Variants in CDKL3 observed in about 807,000 individuals in gnomAD.
The protein encoded by CDKL3 is cyclin dependent kinase like 3.
CDKL3 carries 65 observed loss-of-function variants against 69.3 expected under a neutral mutation model. The ratio of observed to expected loss-of-function variants is 0.94; its 90% confidence interval spans 0.77 to 1.15. The LOEUF is 1.15. CDKL3 is among the 50% of genes most tolerant of loss of function. The probability of loss-of-function intolerance (pLI) is 0.00; values close to 1 mark genes in which losing one functional copy is unlikely to be tolerated. For missense variants in CDKL3, 652 were observed against 689.2 expected, an observed-to-expected ratio of 0.95 and a Z score of 0.61; for synonymous variants, 202 against 221.6, an observed-to-expected ratio of 0.91 and a Z score of 0.79.
chr5:134,329,352 T>A (rs1403659677), intron 4 of CDKL3, among the ~76,000 whole-genome samples: 1 of 151,484 alleles, frequency 6.6e-6, no homozygotes, highest in Non-Finnish European at 1.5e-5. Context: ...AAATAAAAAA[T>A]CCACATGAAA....
rs550730919 is a variant in CDKL3, at chr5:134,303,397, T to A, written c.1622-710A>T. 2.0e-5 allele frequency among the ~76,000 whole-genome samples: 3 copies of A among 152,286 alleles called. No homozygotes were observed. The East Asian group carries it at 5.8e-4, about 29-fold the overall frequency. ...CAGCCTATAAATCTTATATATTTAA[T>A]CCTTGGATGCTCAAAATACATATAA... On this transcript the variant is annotated intron_variant, in intron 11 of 12. Transcript: ENST00000265334.
At chr5:134,359,146 T>C (rs529551796) in intron 3 of CDKL3, among the ~76,000 whole-genome samples, 1 of 150,896 alleles carries the variant, frequency 6.6e-6, no homozygotes, top group Non-Finnish European at 1.5e-5. Context: ...GGTGTGGTGG[T>C]TGATTGAGGA....
At chr5:134,366,114 A>C (rs567815325) in intron 2 of CDKL3, among the ~76,000 whole-genome samples, 1 of 152,328 alleles carries the variant, frequency 6.6e-6, no homozygotes, top group East Asian at 1.9e-4. Context: ...AGAAATTTTT[A>C]TTAAGTATTA....
intron 2 of CDKL3, among the ~76,000 whole-genome samples, chr5:134,365,803 C>T (rs1757265644): frequency 6.6e-6 from 1 of 152,058 alleles, no homozygotes; most frequent in Admixed American, 6.6e-5. Flanking sequence ...ATCCTTTGTC[C>T]TTCTTTAGTC....
chr5:134,326,510 TC>T (rs1272157212), intron 4 of CDKL3, among the ~76,000 whole-genome samples: 2 of 151,458 alleles, frequency 1.3e-5, no homozygotes, highest in Non-Finnish European at 2.9e-5. Flanking sequence ...GAAAAGTAGA[TC>T]CAAAAAAGCT....
At chr5:134,296,438 C>T (rs539629545), downstream of CDKL3, among the ~76,000 whole-genome samples, 1 of 152,210 alleles carries the variant, frequency 6.6e-6, no homozygotes, top group South Asian at 2.1e-4. Flanking sequence ...GAAAGTTTTA[C>T]ATATTTATGA....
chr5:134,301,499 T>A lies in CDKL3; in HGVS notation c.1719+1091A>T, dbSNP rs192101596. On this transcript the variant is annotated intron_variant, in intron 12 of 12. Coordinates refer to ENST00000265334, the MANE Select transcript of CDKL3 (RefSeq NM_001113575.2). ...CCTTCTTACAGAGTTTCAGATTTTTTAAAATATTTTTAATTTCTTCAAATT... is the reference window on the plus strand; with the variant it reads ...CCTTCTTACAGAGTTTCAGATTTTTAAAAATATTTTTAATTTCTTCAAATT... Among the ~76,000 whole-genome samples the A allele has an allele frequency of 6.3e-3, 966 of 152,306 alleles. 6 individuals carry two copies. The highest frequency in any genetic ancestry group is 0.021 in the African/African-American group (875 of 41,552).
At chr5:134,370,565 C>T (rs1367512939), upstream of CDKL3, among the ~76,000 whole-genome samples, 2 of 152,210 alleles carry the variant, frequency 1.3e-5, no homozygotes, top group African/African-American at 4.8e-5. Context: ...GGTACTCCCC[C>T]ACCATAGGCA....
At chr5:134,367,425 T>A (rs1757729477), upstream of CDKL3, 5 of 974,886 alleles carry the variant, frequency 5.1e-6, no homozygotes, top group Non-Finnish European at 6.1e-6. Flanking sequence ...CAGGCTGGAC[T>A]GCAGTGTCGC....
rs769296093 is a variant in CDKL3, at chr5:134,350,381, GA to G, written c.406del (p.Ser136GlnfsTer15). 47 of 1,576,758 alleles carry G rather than the reference GA, an allele frequency of 3.0e-5. No individual in the cohort carries two copies. The highest frequency in any genetic ancestry group is 3.8e-5 in the Non-Finnish European group (44 of 1,160,240). On this transcript the variant is annotated frameshift_variant, in exon 4 of 13. Transcript: ENST00000265334. LOFTEE classifies it high-confidence loss of function. ...IKPENILVSQ[S>X]GITKLCDFGF... is the part of the protein sequence containing the mutation. The stretch of plus-strand genomic sequence containing the variant: ...AAAATCACAGAGCTTAGTAATTCCT[GA>G]CTGGGATACTAAAATATTCTCAGGT...
rs188606818 is a variant in CDKL3 at position 134,321,220 on chromosome 5, C to T, written c.652+571G>A. On this transcript the variant is annotated intron_variant, in intron 5 of 12. Coordinates refer to ENST00000265334, the MANE Select transcript of CDKL3 (RefSeq NM_001113575.2). Reference sequence around the variant, plus strand: ...AGAGATGGGGTTTCACTATGTTGGTCAGGTTGGTCTCCAACTCCTGATCTC... The same window carrying T: ...AGAGATGGGGTTTCACTATGTTGGTTAGGTTGGTCTCCAACTCCTGATCTC... Among the ~76,000 whole-genome samples the T allele has an allele frequency of 4.6e-3, 702 of 152,024 alleles. 6 individuals carry two copies. The highest frequency in any genetic ancestry group is 7.6e-3 in the Non-Finnish European group (517 of 67,968).
chr5:134,300,217 T>C lies in CDKL3; in HGVS notation c.1720-1507A>G, dbSNP rs571468499. 3.3e-5 allele frequency among the ~76,000 whole-genome samples: 5 copies of C among 152,194 alleles called. No homozygotes were observed. The South Asian group carries it at 1.0e-3, about 32-fold the overall frequency. ...AGCCAGGCATGGTGGCAGGCACCTG[T>C]AATCCCAGCTACTCAGGAGGCTGAG... On this transcript the variant is annotated intron_variant, in intron 12 of 12. Transcript: ENST00000265334.
At chr5:134,368,346 C>A (rs1757910500), upstream of CDKL3, among the ~76,000 whole-genome samples, 2 of 152,324 alleles carry the variant, frequency 1.3e-5, no homozygotes, top group South Asian at 2.1e-4. Context: ...CAGACGGGCG[C>A]AGTGGCTAAC....
At chr5:134,367,509 G>A, upstream of CDKL3, 1 of 568,896 alleles carries the variant, frequency 1.8e-6, no homozygotes, top group Non-Finnish European at 2.2e-6. Context: ...GAGTAGCTGG[G>A]ATTACAGGCG....
At chr5:134,333,894 C>A (rs548335557) in intron 4 of CDKL3, among the ~76,000 whole-genome samples, 2 of 152,216 alleles carry the variant, frequency 1.3e-5, no homozygotes, top group South Asian at 4.1e-4. Context: ...GGTACCAGCT[C>A]CTGTTTGTAC....
intron 4 of CDKL3, among the ~76,000 whole-genome samples, chr5:134,343,699 T>C (rs1055084124): frequency 6.0e-4 from 92 of 152,136 alleles, no homozygotes; most frequent in African/African-American, 2.2e-3. Flanking sequence ...TCTGATCTCA[T>C]GGCCGCCCCA....
intron 12 of CDKL3, chr5:134,299,719 T>C: frequency 6.5e-7 from 1 of 1,534,876 alleles, no homozygotes; most frequent in Non-Finnish European, 8.7e-7. Flanking sequence ...TGGCAAGTTC[T>C]TCTTCCTTTC....
At chr5:134,296,777 G>A (rs573103826), downstream of CDKL3, among the ~76,000 whole-genome samples, 8 of 132,856 alleles carry the variant, frequency 6.0e-5, no homozygotes, top group South Asian at 1.9e-3. Context: ...ACAAGACCCT[G>A]TCTCTACACA....
At chr5:134,362,348 T>A (rs1316442999) in intron 2 of CDKL3, among the ~76,000 whole-genome samples, 1 of 152,098 alleles carries the variant, frequency 6.6e-6, no homozygotes, top group Non-Finnish European at 1.5e-5. Flanking sequence ...GGAGAAACGC[T>A]GTCTCTACTA....
Sources: gnomAD v4.1 joint callset for allele counts (sites outside exome capture counted in the v4.1 genomes callset) on GRCh38, gnomAD v4.1.1 for gene constraint, MANE v1.5 for transcripts, NCBI Gene and HGNC (gene_info 2026-07-23, HGNC 2026-07-21) for gene names.